Variants in MYBPHL observed in about 807,000 individuals in gnomAD.
MYBPHL encodes myosin binding protein H like.
Under a neutral mutation model 39.5 loss-of-function variants are expected in MYBPHL, and 32 were observed. That is an observed-to-expected ratio of 0.81 (90% CI 0.61 to 1.09). MYBPHL has a LOEUF of 1.09. MYBPHL is among the 50% of genes least tolerant of loss of function. The probability of loss-of-function intolerance (pLI) is 0.00; values close to 1 mark genes in which losing one functional copy is unlikely to be tolerated. For missense variants in MYBPHL, 456 were observed against 460.2 expected (o/e 0.99, Z 0.08); for synonymous variants, 196 against 183.7 (o/e 1.07, Z -0.54).
At chr1:109,306,028 G>A (rs181796015) in intron 1 of MYBPHL, among the ~76,000 whole-genome samples, 2 of 152,332 alleles carry the variant, frequency 1.3e-5, no homozygotes, top group East Asian at 3.9e-4. Context: ...TAGGAATTGA[G>A]CCTAGAGCTT....
intron 1 of MYBPHL, among the ~76,000 whole-genome samples, chr1:109,299,281 G>A (rs1658199924): frequency 1.3e-5 from 2 of 152,182 alleles, no homozygotes; most frequent in Admixed American, 1.3e-4. Context: ...TTCATTCTTG[G>A]CAGTTGGAAG....
intron 3 of MYBPHL, 35 bp from the exon 4 acceptor site, chr1:109,297,224 C>T (rs1328081342): frequency 2.6e-5 from 42 of 1,613,984 alleles, no homozygotes; most frequent in Non-Finnish European, 3.5e-5. Flanking sequence ...GGGCGTGGAA[C>T]ATCCCACATG....
chr1:109,301,910 A>C (rs652651), intron 1 of MYBPHL, among the ~76,000 whole-genome samples: 1 of 152,136 alleles, frequency 6.6e-6, no homozygotes, highest in South Asian at 2.1e-4. Context: ...TTATGGGATC[A>C]GTCTTTCTCC....
chr1:109,304,549 C>T (rs975393236), intron 1 of MYBPHL, among the ~76,000 whole-genome samples: 13 of 152,128 alleles, frequency 8.5e-5, no homozygotes, highest in African/African-American at 2.4e-4. Flanking sequence ...GCTCCACTTC[C>T]GTGGAGCTCA....
Position 109,295,154 on chromosome 1 carries a change from G to T in MYBPHL, c.1011C>A (p.Asn337Lys), listed in dbSNP as rs371838903. The T allele has an allele frequency of 4.3e-6, 7 of 1,613,938 alleles. No individual in the cohort carries two copies. In the East Asian group the frequency reaches 1.6e-4, roughly 36 times the overall value. ...AGTCCACAGATGCCTCCCCTAGGGG[G>T]TTCACCGCCTTGCAGGTATAGATGC... The part of the protein sequence containing the change: ...DGGIYTCKAV[N>K]PLGEASVDCR... Residue 337 changes from asparagine to lysine, a missense_variant, in exon 7 of 9, where the codon AAC becomes AAA. Transcript: ENST00000357155.
At chr1:109,297,271 T>C (rs1658111231) in intron 3 of MYBPHL, 82 bp from the exon 4 acceptor site, 1 of 1,598,866 alleles carries the variant, frequency 6.3e-7, no homozygotes, top group Admixed American at 1.7e-5. Context: ...AGCCCCTTTT[T>C]CTCCTCAGTT....
chr1:109,294,087 A>G (rs1376189621), intron 8 of MYBPHL, 119 bp downstream of exon 8: 14 of 689,596 alleles, frequency 2.0e-5, no homozygotes, highest in African/African-American at 3.6e-5. Flanking sequence ...TTACAACAAA[A>G]GTGGCCACCA....
intron 1 of MYBPHL, among the ~76,000 whole-genome samples, chr1:109,303,024 C>G (rs990163173): frequency 5.3e-5 from 8 of 152,152 alleles, no homozygotes; most frequent in African/African-American, 1.4e-4. Flanking sequence ...AATGGCAGAG[C>G]CCCAAGATGA....
Position 109,294,192 on chromosome 1 carries a change from C to T in MYBPHL, c.*33+14G>A. On this transcript the variant is annotated intron_variant, in intron 8 of 8. Coordinates refer to ENST00000357155, the MANE Select transcript of MYBPHL (RefSeq NM_001010985.3). The stretch of plus-strand genomic sequence containing the variant: ...GAAGTAATCCAGTGAGACATCTTGC[C>T]TCTCTTTACTTACCTTTGTCAGAGT... The T allele has an allele frequency of 6.5e-7, 1 of 1,533,234 alleles. No homozygotes were observed. The highest frequency in any genetic ancestry group is 9.0e-7 in the Non-Finnish European group (1 of 1,106,036). 95.0% of individuals were successfully genotyped at this position (1,533,234 alleles called of 1,614,324 possible). A position where few individuals can be genotyped will look rare whatever the true frequency, so the allele number is the denominator to read the frequency against.
chr1:109,298,335 T>C, intron 1 of MYBPHL, 78 bp from the exon 2 acceptor site: 4 of 1,320,316 alleles, frequency 3.0e-6, no homozygotes, highest in Non-Finnish European at 4.3e-6. Context: ...CTGCTGTGGG[T>C]GAGTGGCCCA....
chr1:109,294,340 AG>A, intron 7 of MYBPHL, 91 bp from the exon 8 acceptor site: 1 of 1,318,062 alleles, frequency 7.6e-7, no homozygotes, highest in Non-Finnish European at 1.1e-6. Context: ...ATTCTATTTC[AG>A]GTTCTTGGGG....
intron 1 of MYBPHL, among the ~76,000 whole-genome samples, chr1:109,304,620 C>T (rs188447257): frequency 1.3e-5 from 2 of 152,302 alleles, no homozygotes; most frequent in African/African-American, 4.8e-5. Flanking sequence ...GTCCTGACCC[C>T]GTGGTACTGC....
chr1:109,303,597 C>T lies in MYBPHL; in HGVS notation c.145+3250G>A, dbSNP rs144272494. 1.6e-4 allele frequency among the ~76,000 whole-genome samples: 25 copies of T among 152,304 alleles called. No individual in the cohort carries two copies. In the East Asian group the frequency reaches 2.5e-3, roughly 15 times the overall value. The stretch of plus-strand genomic sequence containing the variant: ...GTCTCCCATTGTCCTGGGTGACTAT[C>T]GCACACCTTTCTCTTCTAAAACCTC... On this transcript the variant is annotated intron_variant, in intron 1 of 8. Coordinates refer to ENST00000357155, the MANE Select transcript of MYBPHL (RefSeq NM_001010985.3).
chr1:109,295,091 A>G lies in MYBPHL; in HGVS notation c.1054+20T>C, dbSNP rs1658008194. On this transcript the variant is annotated intron_variant, in intron 7 of 8. Transcript: ENST00000357155. The stretch of plus-strand genomic sequence containing the variant: ...GAGGTGACTGGCACCCTAAGGCACT[A>G]GTTCTCCTCTTGCCCTTACCTTTCA... The G allele has an allele frequency of 1.9e-6, 3 of 1,610,232 alleles. No homozygotes were observed. Among genetic ancestry groups the G allele is most frequent in the South Asian group, 2.2e-5 (2 of 90,938 alleles).
rs754554091 is a variant in MYBPHL, at chr1:109,296,322, G to T, written c.779C>A (p.Ala260Asp). The stretch of plus-strand genomic sequence containing the variant: ...GGCCAGAGGCTGGGTAAACTTTGGG[G>T]CTTCAGAGAAGTCTCGTTGGGCAAA... Reference protein sequence around the residue: ...KGFAQRDFSEAPKFTQPLADC... With the variant: ...KGFAQRDFSEDPKFTQPLADC... The change falls in exon 6 of 9, where the codon GCC becomes GAC. Residue 260 changes from alanine (A) to aspartate (D), a missense_variant. By Grantham distance (126) the Ala-to-Asp change is moderately radical. Coordinates refer to ENST00000357155, the MANE Select transcript of MYBPHL (RefSeq NM_001010985.3). The T allele has an allele frequency of 1.2e-6, 2 of 1,614,080 alleles. No homozygotes were observed. The highest frequency in any genetic ancestry group is 1.7e-6 in the Non-Finnish European group (2 of 1,180,032).
chr1:109,294,170 G>T, intron 8 of MYBPHL, 36 bp downstream of exon 8: 1 of 1,351,290 alleles, frequency 7.4e-7, no homozygotes, highest in Non-Finnish European at 1.1e-6. Flanking sequence ...TAAACAGGAA[G>T]TAATCCAGTG....
At chr1:109,295,356 T>G (rs1263854127) in intron 6 of MYBPHL, 59 bp from the exon 7 acceptor site, 1 of 1,492,914 alleles carries the variant, frequency 6.7e-7, no homozygotes, top group Non-Finnish European at 9.1e-7. Context: ...CCAATAGTCT[T>G]TCTGTGCTCA....
Position 109,296,441 on chromosome 1 carries a change from A to AT in MYBPHL, c.731-72dup, listed in dbSNP as rs59806839. The AT allele has an allele frequency of 0.093, 127,204 of 1,371,524 alleles. 413 individuals carry two copies. The highest frequency in any genetic ancestry group is 0.1 in the Non-Finnish European group (102,982 of 1,023,070). The allele number at this position is 1,371,524 out of a possible 1,614,324, so 85.0% of individuals were successfully genotyped here. On this transcript the variant is annotated intron_variant, in intron 5 of 8. Transcript: ENST00000357155. ...CCCTCGTCGACTCTTTATCCTTAGT[A>AT]TTTTTTTTTTTTTTTGAGGTGGAGT...
At chr1:109,300,480 C>T (rs191777931) in intron 1 of MYBPHL, among the ~76,000 whole-genome samples, 1 of 152,318 alleles carries the variant, frequency 6.6e-6, no homozygotes, top group Admixed American at 6.5e-5. Context: ...GACAGAAGTG[C>T]CCGCTGAGCC....
Sources: gnomAD v4.1 joint callset for allele counts (sites outside exome capture counted in the v4.1 genomes callset) on GRCh38, gnomAD v4.1.1 for gene constraint, MANE v1.5 for transcripts, NCBI Gene and HGNC (gene_info 2026-07-23, HGNC 2026-07-21) for gene names.